The following TJP3 variants were observed in gnomAD, a reference collection of about 807,000 sequenced individuals.
TJP3 encodes tight junction protein ZO-3.
Under a neutral mutation model 104.2 loss-of-function variants are expected in TJP3, and 85 were observed. The ratio of observed to expected loss-of-function variants is 0.82; its 90% CI spans 0.68 to 0.98. TJP3 has a LOEUF of 0.98. Among genes scored for constraint, TJP3 ranks in the 50% least tolerant of loss-of-function variants. The probability of loss-of-function intolerance (pLI) is 0.00; values close to 1 mark genes in which losing one functional copy is unlikely to be tolerated. For missense variants in TJP3, 1,367 were observed against 1,322.8 expected (o/e 1.03, Z -0.52); for synonymous variants, 550 against 550.6 (o/e 1.00, Z 0.02).
At chr19:3,721,964 G>C (rs556966320) in intron 1 of TJP3, 9 of 1,040,266 alleles carry the variant, frequency 8.7e-6, no homozygotes, top group East Asian at 6.5e-5. Context: ...AGGTGGGGTG[G>C]GGGGAAAGCA....
chr19:3,712,792 T>C (rs1232646621), intron 1 of TJP3, among the ~76,000 whole-genome samples: 1 of 151,534 alleles, frequency 6.6e-6, no homozygotes, highest in Non-Finnish European at 1.5e-5. Context: ...CTACAAAATA[T>C]ACAAAAATCT....
intron 1 of TJP3, among the ~76,000 whole-genome samples, chr19:3,722,725 A>G (rs565719927): frequency 7.9e-4 from 120 of 152,184 alleles, no homozygotes; most frequent in African/African-American, 2.8e-3. Flanking sequence ...CCCAAGCTTC[A>G]GGACCCGGCA....
chr19:3,746,407 T>G lies in TJP3; in HGVS notation c.2011-78T>G. On this transcript the variant is annotated intron_variant, in intron 16 of 20. Coordinates refer to ENST00000541714, the MANE Select transcript of TJP3 (RefSeq NM_001267560.2). This position sits in a 1 kb window ranked among gnomAD's most constrained non-coding sequence, Gnocchi z 4.1. ...GCTGGGGTCCACTCTGACCTCAGAC[T>G]CTTCATCTTTCTATCTTTCTCTCTC... is the stretch of plus-strand genomic sequence containing the variant. 1 of 1,509,476 alleles carries G rather than the reference T, an allele frequency of 6.6e-7. No individual in the cohort carries two copies. The highest frequency in any genetic ancestry group is 9.1e-7 in the Non-Finnish European group (1 of 1,100,376). The allele number at this position is 1,509,476 out of a possible 1,614,324, so 93.5% of individuals were successfully genotyped here. A position where few individuals can be genotyped will look rare whatever the true frequency, so the allele number is the denominator to read the frequency against.
intron 1 of TJP3, among the ~76,000 whole-genome samples, chr19:3,710,426 G>T (rs1450068074): frequency 6.6e-6 from 1 of 152,180 alleles, no homozygotes; most frequent in Non-Finnish European, 1.5e-5. Context: ...AGCTGGTGGC[G>T]GGGGTGGTGC....
rs771538394 is a variant in TJP3, at chr19:3,732,053, C to G, written c.717+15C>G. 3.7e-6 allele frequency: 6 copies of G among 1,606,960 alleles called. No homozygotes were observed. The highest frequency in any genetic ancestry group is 1.7e-5 in the Admixed American group (1 of 59,658). Reference sequence around the variant, plus strand: ...TCATTCTACAGGTGAGGCCGGGCTTCTTGTCCTGAGAGCAGGGAGACAAGG... The same window carrying G: ...TCATTCTACAGGTGAGGCCGGGCTTGTTGTCCTGAGAGCAGGGAGACAAGG... On this transcript the variant is annotated intron_variant, in intron 6 of 20. Coordinates refer to ENST00000541714, the MANE Select transcript of TJP3 (RefSeq NM_001267560.2).
Position 3,736,201 on chromosome 19 carries a change from G to T in TJP3, c.1164G>T (p.Lys388Asn). The change falls in exon 11 of 21, where the codon AAG becomes AAT. Residue 388 changes from lysine (K) to asparagine (N), a missense_variant. Lys to Asn is a moderately conservative substitution (Grantham distance 94). Coordinates refer to ENST00000541714, the MANE Select transcript of TJP3 (RefSeq NM_001267560.2). ...SPDTRVVRFL[K>N]GKSIGLRLAG... ...ACACGCGTGTGGTCCGCTTCCTCAA[G>T]GGCAAGAGCATCGGGCTGCGGCTGG... 1 of 1,598,874 alleles carries T rather than the reference G, an allele frequency of 6.3e-7. No homozygotes were observed.
chr19:3,747,770 G>C, intron 18 of TJP3, 24 bp from the exon 19 acceptor site: 2 of 1,538,006 alleles, frequency 1.3e-6, no homozygotes, highest in Non-Finnish European at 1.7e-6. Context: ...AGGGCCAGCC[G>C]CAGCATCCAC....
At chr19:3,720,972 A>G (rs1430304659) in intron 1 of TJP3, among the ~76,000 whole-genome samples, 1 of 132,452 alleles carries the variant, frequency 7.5e-6, no homozygotes, top group Non-Finnish European at 1.5e-5. Flanking sequence ...CAGTGGCGTG[A>G]TATCAGCTCA....
chr19:3,740,660 T>G lies in TJP3; in HGVS notation c.1740T>G (p.Leu580=), dbSNP rs10416362. ...CCGAGTTCTGGCGGCTGCGGGGTCT[T>G]CGTCGAGGAGCCAAGAAGACCACTC... ...ARAEFWRLRG[L]RRGAKKTTQR... Residue 580 remains leucine, a synonymous_variant, in exon 14 of 21, where the codon CTT becomes CTG. Transcript: ENST00000541714. The G allele has an allele frequency of 0.53, 844,309 of 1,605,242 alleles. 223,292 individuals carry two copies. The highest frequency in any genetic ancestry group is 0.59 in the South Asian group (53,579 of 90,496).
chr19:3,730,715 A>G lies in TJP3; in HGVS notation c.613+9A>G. The G allele has an allele frequency of 6.2e-7, 1 of 1,602,624 alleles. No individual in the cohort carries two copies. Among genetic ancestry groups the G allele is most frequent in the East Asian group, 2.2e-5 (1 of 44,834 alleles). ...GAGGAGAGACAGCGAAGGTCAGAAG[A>G]GGCGGGAGGTCGGACACGATCAGTA... On this transcript the variant is annotated intron_variant, in intron 5 of 20. Transcript: ENST00000541714. The surrounding 1 kb of genome is among the most constrained non-coding windows in gnomAD (Gnocchi z 7.3).
Position 3,746,401 on chromosome 19 carries a change from TCA to T in TJP3, c.2011-83_2011-82del. ...TGAGAGGCTGGGGTCCACTCTGACC[TCA>T]GACTCTTCATCTTTCTATCTTTCTC... On this transcript the variant is annotated intron_variant, in intron 16 of 20. Coordinates refer to ENST00000541714, the MANE Select transcript of TJP3 (RefSeq NM_001267560.2). The surrounding 1 kb of genome is among the most constrained non-coding windows in gnomAD (Gnocchi z 4.1). 2 of 1,476,006 alleles carry T rather than the reference TCA, an allele frequency of 1.4e-6. No homozygotes were observed. Among genetic ancestry groups the T allele is most frequent in the Non-Finnish European group, 1.9e-6 (2 of 1,073,310 alleles). The allele number at this position is 1,476,006 out of a possible 1,614,324, so 91.4% of individuals were successfully genotyped here.
chr19:3,721,013 T>C (rs2036537253), intron 1 of TJP3, among the ~76,000 whole-genome samples: 1 of 150,308 alleles, frequency 6.7e-6, no homozygotes, highest in African/African-American at 2.4e-5. Flanking sequence ...GTTCAACCGA[T>C]TCTCCTTCCT....
Position 3,750,798 on chromosome 19 carries a change from G to A in TJP3, c.*114G>A, listed in dbSNP as rs2036985578. 3 of 1,066,340 alleles carry A rather than the reference G, an allele frequency of 2.8e-6. No homozygotes were observed. In the Admixed American group the frequency reaches 6.6e-5, roughly 24 times the overall value. 66.1% of individuals were successfully genotyped at this position (1,066,340 alleles called of 1,614,324 possible). A position where few individuals can be genotyped will look rare whatever the true frequency, so the allele number is the denominator to read the frequency against. On this transcript the variant is annotated 3_prime_UTR_variant, in exon 21 of 21. Coordinates refer to ENST00000541714, the MANE Select transcript of TJP3 (RefSeq NM_001267560.2). ...CCCTCCGCCTGGTCTTTAATAAACA[G>A]AGTATTTTCACAGCACCGGCTTCTA...
At position 3,743,955 on chromosome 19, in the gene TJP3, G is replaced by A. The variant is rs1488079289; in HGVS notation, c.1860G>A (p.Pro620=). Residue 620 remains proline (P), a synonymous_variant, in exon 15 of 21, where the codon CCG becomes CCA. Transcript: ENST00000541714. ...VVLREASFKR[P]VVILGPVADI... is the part of the protein sequence containing the mutation. ...ACCCCTCAGCCAGTTTCAAGCGCCC[G>A]GTAGTGATCCTGGGACCCGTGGCCG... 1.7e-5 allele frequency: 27 copies of A among 1,614,008 alleles called. No individual in the cohort carries two copies. Among genetic ancestry groups the A allele is most frequent in the South Asian group, 3.3e-5 (3 of 91,088 alleles).
In TJP3 at chr19:3,746,898, GTC is replaced by G; in HGVS notation, c.2322+23_2322+24del. On this transcript the variant is annotated intron_variant, in intron 18 of 20. Transcript: ENST00000541714. The surrounding 1 kb of genome is among the most constrained non-coding windows in gnomAD (Gnocchi z 4.1). ...TCAGGTACTGCCGCGGTGTGGGTGG[GTC>G]GGGCAGGGAGGCCCCACAGACGCTG... The G allele has an allele frequency of 2.0e-6, 3 of 1,529,970 alleles. No individual in the cohort carries two copies. The highest frequency in any genetic ancestry group is 2.7e-6 in the Non-Finnish European group (3 of 1,118,946). 94.8% of individuals were successfully genotyped at this position (1,529,970 alleles called of 1,614,324 possible). A position where few individuals can be genotyped will look rare whatever the true frequency, so the allele number is the denominator to read the frequency against.
At chr19:3,711,271 C>T (rs186565059) in intron 1 of TJP3, among the ~76,000 whole-genome samples, 1 of 61,862 alleles carries the variant, frequency 1.6e-5, no homozygotes, top group African/African-American at 5.5e-5. Context: ...GATCTCCGCT[C>T]GCTGCAACCT....
At position 3,748,120 on chromosome 19, in the gene TJP3, C is replaced by T. The variant is rs377470510; in HGVS notation, c.2610+39C>T. ...GGGGGGCAGGCCTGGGAAGGGTCTC[C>T]GGAGGGGATGCCAGCACAGAGCAGA... On this transcript the variant is annotated intron_variant, in intron 19 of 20. Coordinates refer to ENST00000541714, the MANE Select transcript of TJP3 (RefSeq NM_001267560.2). 19 of 1,507,500 alleles carry T rather than the reference C, an allele frequency of 1.3e-5. No homozygotes were observed. In the South Asian group the frequency reaches 1.4e-4, roughly 11 times the overall value. The allele number at this position is 1,507,500 out of a possible 1,614,324, so 93.4% of individuals were successfully genotyped here. A position where few individuals can be genotyped will look rare whatever the true frequency, so the allele number is the denominator to read the frequency against.
chr19:3,738,428 G>C, intron 11 of TJP3, 127 bp from the exon 12 acceptor site: 1 of 755,084 alleles, frequency 1.3e-6, no homozygotes, highest in Non-Finnish European at 2.2e-6. Flanking sequence ...TCGGGGAACT[G>C]CCGGGTCCCT....
intron 1 of TJP3, among the ~76,000 whole-genome samples, chr19:3,710,548 G>T (rs2036424488): frequency 6.6e-6 from 1 of 152,236 alleles, no homozygotes; most frequent in Non-Finnish European, 1.5e-5. Context: ...AAAGTCCAGG[G>T]CAGGGAGTAT....
Sources: allele counts gnomAD v4.1 joint callset (sites outside exome capture counted in the v4.1 genomes callset), GRCh38; gene constraint gnomAD v4.1.1; non-coding constraint Gnocchi (gnomAD v3.1); transcripts MANE v1.5; gene names NCBI Gene and HGNC (gene_info 2026-07-23, HGNC 2026-07-21).